The following NUP85 variants were observed in gnomAD, a reference collection of about 807,000 sequenced individuals.
NUP85 encodes nuclear pore complex protein Nup85.
NUP85 carries 23 observed loss-of-function variants against 92.8 expected under a neutral mutation model. That is an observed-to-expected ratio of 0.25 (90% CI 0.18 to 0.35). The LOEUF (loss-of-function observed/expected upper bound fraction) is 0.35. NUP85 is among the 10% of genes least tolerant of loss of function. NUP85 has a pLI of 1.00. For missense variants in NUP85, 759 were observed against 822.8 expected (o/e 0.92, Z 0.95); for synonymous variants, 314 against 306.9 (o/e 1.02, Z -0.24).
At chr17:75,212,469 GTTTTTTTT>G (rs57106942) in intron 4 of NUP85, among the ~76,000 whole-genome samples, 4 of 77,464 alleles carry the variant, frequency 5.2e-5, no homozygotes, top group Admixed American at 1.6e-4. Context: ...TGTGCCTGGA[GTTTTTTTT>G]TTTTTTTTTT....
At chr17:75,212,267 T>G (rs1326233175) in intron 4 of NUP85, among the ~76,000 whole-genome samples, 582 of 44,716 alleles carry the variant, frequency 0.013, 33 homozygotes, top group African/African-American at 0.039. Flanking sequence ...TTTTTTTTTT[T>G]TTTTTTTTTT....
At position 75,233,101 on chromosome 17, in the gene NUP85, G is replaced by T; in HGVS notation, c.1558G>T (p.Asp520Tyr). The T allele has an allele frequency of 1.2e-6, 2 of 1,614,148 alleles. No individual in the cohort carries two copies. The highest frequency in any genetic ancestry group is 1.7e-6 in the Non-Finnish European group (2 of 1,180,036). The change falls in exon 16 of 19, where the codon GAT becomes TAT. Residue 520 changes from aspartate to tyrosine, a missense_variant. Transcript: ENST00000245544. Reference protein sequence around the residue: ...YCERGCFSDLDLIDNLGPAMM... With the variant: ...YCERGCFSDLYLIDNLGPAMM... ...TGAGCGAGGCTGCTTTTCTGATTTG[G>T]ATCTCATTGACAACCTGGGGCCAGC...
intron 16 of NUP85, among the ~76,000 whole-genome samples, chr17:75,233,385 TTCTTTCTCTTTC>T (rs10567128): frequency 4.7e-4 from 62 of 132,778 alleles, no homozygotes; most frequent in Middle Eastern, 3.9e-3. Flanking sequence ...CTTTCTCTCT[TTCTTTCTCTTTC>T]TCTTTCTCTT....
At position 75,222,022 on chromosome 17, in the gene NUP85, CGTGT is replaced by C. The variant is rs3047551; in HGVS notation, c.598-3070_598-3067del. On this transcript the variant is annotated intron_variant, in intron 7 of 18. Transcript: ENST00000245544. Reference sequence around the variant, plus strand: ...TATTTAATTTTAGACATGTTTCTCTCGTGTGTGTGTGTGTTTTGTTTTGTTTGTT... The same window carrying C: ...TATTTAATTTTAGACATGTTTCTCTCGTGTGTGTGTTTTGTTTTGTTTGTT... Among the ~76,000 whole-genome samples the C allele has an allele frequency of 7.1e-3, 942 of 132,428 alleles. 6 individuals carry two copies. Among genetic ancestry groups the C allele is most frequent in the African/African-American group, 0.022 (882 of 39,986 alleles). 86.9% of individuals were successfully genotyped at this position (132,428 alleles called of 152,430 possible).
At chr17:75,213,049 C>G (rs1430829410) in intron 4 of NUP85, 27 bp from the exon 5 acceptor site, 2 of 1,607,138 alleles carry the variant, frequency 1.2e-6, no homozygotes, top group Non-Finnish European at 1.7e-6. Context: ...TTCCATTGCT[C>G]ACTTAAAATG....
intron 5 of NUP85, 55 bp downstream of exon 5, chr17:75,213,174 C>A: frequency 1.3e-6 from 2 of 1,568,990 alleles, no homozygotes; most frequent in Non-Finnish European, 1.7e-6. Flanking sequence ...GTCCTGGGCA[C>A]CCACCTGGGG....
At chr17:75,208,656 C>A in intron 2 of NUP85, 36 bp downstream of exon 2, 2 of 1,198,336 alleles carry the variant, frequency 1.7e-6, no homozygotes, top group Non-Finnish European at 2.5e-6. Context: ...TCCATCTTGG[C>A]ACATTTGGTT....
chr17:75,228,075 A>G lies in NUP85; in HGVS notation c.1094+1918A>G. ...TTTGGCTTTGTTGGTGTCTCTGCCC[A>G]TAGTTGAGTATTCTAAATTTCCTGT... On this transcript the variant is annotated intron_variant, in intron 11 of 18. Coordinates refer to ENST00000245544, the MANE Select transcript of NUP85 (RefSeq NM_024844.5). 3 of 435,770 alleles carry G rather than the reference A, an allele frequency of 6.9e-6. No individual in the cohort carries two copies. In the South Asian group the frequency reaches 2.9e-4, roughly 42 times the overall value. The allele number at this position is 435,770 out of a possible 1,614,324, so 27.0% of individuals were successfully genotyped here.
At chr17:75,206,772 A>C (rs572492155) in intron 1 of NUP85, among the ~76,000 whole-genome samples, 11 of 149,958 alleles carry the variant, frequency 7.3e-5, no homozygotes, top group African/African-American at 2.7e-4. Context: ...GTCTCGGCTC[A>C]CTGTAACCTC....
chr17:75,233,424 T>TTC (rs2076170029), intron 16 of NUP85, among the ~76,000 whole-genome samples: 1 of 113,432 alleles, frequency 8.8e-6, no homozygotes, highest in South Asian at 3.1e-4. Context: ...TTTCTTCTTT[T>TTC]CTTTTATTTT....
chr17:75,233,169 G>A lies in NUP85; in HGVS notation c.1615+11G>A, dbSNP rs370770181. 8.7e-5 allele frequency: 140 copies of A among 1,612,750 alleles called. No homozygotes were observed. Among genetic ancestry groups the A allele is most frequent in the Non-Finnish European group, 1.1e-4 (134 of 1,179,160 alleles). ...GACTGACATTCCTGGGTGAGTCTCTGGGTTTTGTGCCCTGTGCTTTGGGCA... is the reference window on the plus strand; with the variant it reads ...GACTGACATTCCTGGGTGAGTCTCTAGGTTTTGTGCCCTGTGCTTTGGGCA... On this transcript the variant is annotated intron_variant, in intron 16 of 18. Coordinates refer to ENST00000245544, the MANE Select transcript of NUP85 (RefSeq NM_024844.5).
At chr17:75,211,912 C>A in intron 3 of NUP85, 80 bp from the exon 4 acceptor site, 4 of 1,114,642 alleles carry the variant, frequency 3.6e-6, no homozygotes, top group Non-Finnish European at 5.3e-6. Flanking sequence ...CAAATTTCTG[C>A]ATTTATTTGA....
At chr17:75,205,833 T>C in intron 1 of NUP85, 39 bp downstream of exon 1, 1 of 1,611,174 alleles carries the variant, frequency 6.2e-7, no homozygotes, top group South Asian at 1.1e-5. Context: ...TCCTTGCGGG[T>C]TGAGAACTGC....
intron 5 of NUP85, among the ~76,000 whole-genome samples, chr17:75,214,576 A>G (rs2075370632): frequency 6.6e-6 from 1 of 152,220 alleles, no homozygotes; most frequent in African/African-American, 2.4e-5. Context: ...TCATCAAGAT[A>G]GGCTGGGCGC....
intron 16 of NUP85, 65 bp from the exon 17 acceptor site, chr17:75,234,572 T>C: frequency 6.4e-7 from 1 of 1,566,858 alleles, no homozygotes; most frequent in Non-Finnish European, 8.8e-7. Context: ...GGGTGACTTT[T>C]GTAGGTGTCA....
rs370408537 is a variant in NUP85 at position 75,213,115 on chromosome 17, G to C, written c.401G>C (p.Ser134Thr). The change falls in exon 5 of 19, where the codon AGC becomes ACC. Residue 134 changes from serine to threonine, a missense_variant. Ser to Thr is a moderately conservative substitution (Grantham distance 58, BLOSUM62 1). Transcript: ENST00000245544. ...CCAGCCAATGGCCGCCAGTTCAGCA[G>C]CCAGGTAAGGGGAGTCACCTTTATT... ...KDPANGRQFS[S>T]QVSILSAMEL... 6.2e-7 allele frequency: 1 copy of C among 1,613,560 alleles called. No individual in the cohort carries two copies. Among genetic ancestry groups the C allele is most frequent in the African/African-American group, 1.3e-5 (1 of 75,034 alleles).
intron 6 of NUP85, among the ~76,000 whole-genome samples, chr17:75,216,600 GT>G (rs1444091406): frequency 6.6e-6 from 1 of 152,152 alleles, no homozygotes; most frequent in Admixed American, 6.6e-5. Flanking sequence ...GGTCAGTATA[GT>G]GTCATGGCCT....
intron 3 of NUP85, among the ~76,000 whole-genome samples, chr17:75,210,348 A>G (rs955019468): frequency 6.6e-6 from 1 of 152,378 alleles, no homozygotes; most frequent in African/African-American, 2.4e-5. Flanking sequence ...ATTATGGTTC[A>G]GACGTTATTT....
chr17:75,231,260 G>A lies in NUP85; in HGVS notation c.1095-80G>A. 7.6e-7 allele frequency: 1 copy of A among 1,311,318 alleles called. No homozygotes were observed. Among genetic ancestry groups the A allele is most frequent in the East Asian group, 2.3e-5 (1 of 43,436 alleles). 81.2% of individuals were successfully genotyped at this position (1,311,318 alleles called of 1,614,324 possible). A position where few individuals can be genotyped will look rare whatever the true frequency, so the allele number is the denominator to read the frequency against. On this transcript the variant is annotated intron_variant, in intron 11 of 18. Coordinates refer to ENST00000245544, the MANE Select transcript of NUP85 (RefSeq NM_024844.5). The surrounding 1 kb of genome is among the most constrained non-coding windows in gnomAD (Gnocchi z 4.6). ...TCTCTTTGAGGGACAGGACATGTGG[G>A]GTTTCTTGCTCACCCCCACTCTTGT...
Sources: gnomAD v4.1 joint callset for allele counts (sites outside exome capture counted in the v4.1 genomes callset) on GRCh38, gnomAD v4.1.1 for gene constraint, Gnocchi (gnomAD v3.1) non-coding constraint, MANE v1.5 for transcripts, NCBI Gene and HGNC (gene_info 2026-07-23, HGNC 2026-07-21) for gene names.